ASTN2: variants seen among roughly 807,000 people sequenced by gnomAD.
The protein encoded by ASTN2 is astrotactin-2.
A neutral mutation model predicts 139.8 loss-of-function variants in ASTN2; 54 were observed. The ratio of observed to expected loss-of-function variants is 0.39; its 90% confidence interval spans 0.31 to 0.48. The LOEUF is 0.48. Ranked by LOEUF, ASTN2 falls within the 20% of genes least tolerant of loss-of-function variation. The pLI is 0.95. For missense variants in ASTN2, 1,565 were observed against 1,725.1 expected (o/e 0.91, Z 1.64); for synonymous variants, 756 against 719.5 (o/e 1.05, Z -0.81).
At chr9:116,453,237 G>A (rs1054086284) in intron 20 of ASTN2, among the ~76,000 whole-genome samples, 13 of 152,232 alleles carry the variant, frequency 8.5e-5, no homozygotes, top group African/African-American at 3.1e-4. Context: ...TAACATCTCT[G>A]AGAGTCTTAG....
chr9:116,581,639 T>C (rs7867672), intron 19 of ASTN2, among the ~76,000 whole-genome samples: 3,588 of 152,326 alleles, frequency 0.024, 134 homozygotes, highest in African/African-American at 0.082. Context: ...TGAGCTAATC[T>C]TGCCTCATCT....
chr9:117,332,501 G>C (rs757200995), intron 1 of ASTN2, among the ~76,000 whole-genome samples: 7 of 152,188 alleles, frequency 4.6e-5, no homozygotes, highest in Non-Finnish European at 8.8e-5. Context: ...GAGAGGCAGA[G>C]TTTGCAGTGA....
intron 17 of ASTN2, among the ~76,000 whole-genome samples, chr9:116,650,915 C>A (rs552307405): frequency 4.0e-5 from 6 of 149,544 alleles, no homozygotes; most frequent in Non-Finnish European, 8.9e-5. Flanking sequence ...AGTCCCTGCA[C>A]TACTTTTTTT....
chr9:116,841,248 G>A (rs138352724), intron 11 of ASTN2, among the ~76,000 whole-genome samples: 7,618 of 152,110 alleles, frequency 0.05, 547 homozygotes, highest in African/African-American at 0.16. Flanking sequence ...GTGGCGGCGT[G>A]CACCTGCAAT....
At chr9:117,381,002 C>G (rs947042950) in intron 1 of ASTN2, among the ~76,000 whole-genome samples, 4 of 152,076 alleles carry the variant, frequency 2.6e-5, no homozygotes, top group Non-Finnish European at 4.4e-5. Context: ...GGAAGCAATC[C>G]AAATGTCCAT....
chr9:117,228,083 A>G (rs544824656), intron 2 of ASTN2, among the ~76,000 whole-genome samples: 6 of 152,286 alleles, frequency 3.9e-5, no homozygotes, highest in Non-Finnish European at 7.4e-5. Flanking sequence ...TTTCAGCCTC[A>G]GTTTCCCCAG....
Position 116,425,610 on chromosome 9 carries a change from A to G in ASTN2, c.*241T>C. On this transcript the variant is annotated 3_prime_UTR_variant, in exon 23 of 23. Coordinates refer to ENST00000313400, the MANE Select transcript of ASTN2 (RefSeq NM_001365068.1). Reference sequence around the variant, plus strand: ...AAGGTTTAAAAAGGAGAGACTTTTGATAGAGTCAAATAATATCTTTGAAAA... The same window carrying G: ...AAGGTTTAAAAAGGAGAGACTTTTGGTAGAGTCAAATAATATCTTTGAAAA... The G allele has an allele frequency of 6.2e-7, 1 of 1,613,050 alleles. No homozygotes were observed. Among genetic ancestry groups the G allele is most frequent in the Non-Finnish European group, 8.5e-7 (1 of 1,179,762 alleles).
In ASTN2 at chr9:117,042,595, T is replaced by C. The variant is rs539924507; in HGVS notation, c.1277-2630A>G. Among the ~76,000 whole-genome samples, 19 of 152,198 alleles carry C rather than the reference T, an allele frequency of 1.2e-4. No homozygotes were observed. In the South Asian group the frequency reaches 3.9e-3, roughly 32 times the overall value. ...GAAAAATGAACATGATTATCTCTTA[T>C]TCGAGTGCTGCAAGAAGCTGTTTCA... On this transcript the variant is annotated intron_variant, in intron 5 of 22. Coordinates refer to ENST00000313400, the MANE Select transcript of ASTN2 (RefSeq NM_001365068.1).
At chr9:116,564,416 T>C (rs1853080243) in intron 19 of ASTN2, among the ~76,000 whole-genome samples, 1 of 152,090 alleles carries the variant, frequency 6.6e-6, no homozygotes, top group Non-Finnish European at 1.5e-5. Context: ...ACCCTAAACA[T>C]CTCATTCATT....
intron 2 of ASTN2, among the ~76,000 whole-genome samples, chr9:117,265,869 C>T (rs1833929230): frequency 6.6e-6 from 1 of 151,744 alleles, no homozygotes; most frequent in Non-Finnish European, 1.5e-5. Context: ...TATCGAATAC[C>T]CTTAGGCCAT....
At chr9:117,391,595 G>A (rs1026546760) in intron 1 of ASTN2, among the ~76,000 whole-genome samples, 2 of 152,144 alleles carry the variant, frequency 1.3e-5, no homozygotes, top group Admixed American at 6.5e-5. Context: ...GCTACAAGAT[G>A]AGATTTGGGT....
intron 7 of ASTN2, among the ~76,000 whole-genome samples, chr9:116,978,200 A>G (rs1199715807): frequency 6.6e-6 from 1 of 152,166 alleles, no homozygotes; most frequent in Non-Finnish European, 1.5e-5. Flanking sequence ...ATTTTCACCA[A>G]CTTATTTTTC....
intron 22 of ASTN2, among the ~76,000 whole-genome samples, chr9:116,433,986 G>C (rs1288090366): frequency 6.6e-6 from 1 of 152,130 alleles, no homozygotes; most frequent in Non-Finnish European, 1.5e-5. Context: ...GGAACTTCAA[G>C]AAAATAACTA....
chr9:116,787,710 G>T (rs1325749415), intron 13 of ASTN2, among the ~76,000 whole-genome samples: 1 of 152,062 alleles, frequency 6.6e-6, no homozygotes, highest in Non-Finnish European at 1.5e-5. Context: ...CAATAGCCTT[G>T]AATAAAGTCT....
intron 17 of ASTN2, among the ~76,000 whole-genome samples, chr9:116,627,857 T>G (rs182030042): frequency 2.6e-5 from 4 of 152,344 alleles, no homozygotes; most frequent in Non-Finnish European, 5.9e-5. Flanking sequence ...GTATTACTCC[T>G]CACAATACCC....
chr9:117,000,167 T>A (rs1338661052), intron 7 of ASTN2, among the ~76,000 whole-genome samples: 2 of 152,228 alleles, frequency 1.3e-5, no homozygotes, highest in South Asian at 2.1e-4. Flanking sequence ...CAGTGCATTT[T>A]AAATTTTATT....
rs145970893 is a variant in ASTN2 at position 116,983,803 on chromosome 9, A to G, written c.1592-7018T>C. ...TTGTACTCCTGCCTCTTGCCATTAG[A>G]AAAAACATCTACAGGCTGTGGCTGG... On this transcript the variant is annotated intron_variant, in intron 7 of 22. Coordinates refer to ENST00000313400, the MANE Select transcript of ASTN2 (RefSeq NM_001365068.1). Among the ~76,000 whole-genome samples, 114 of 152,296 alleles carry G rather than the reference A, an allele frequency of 7.5e-4. 1 individual carries two copies. The highest frequency in any genetic ancestry group is 2.6e-3 in the African/African-American group (109 of 41,570).
chr9:116,453,685 T>G (rs1848245536), intron 20 of ASTN2, among the ~76,000 whole-genome samples: 2 of 151,688 alleles, frequency 1.3e-5, no homozygotes, highest in African/African-American at 4.8e-5. Context: ...TTGCTTATCT[T>G]GCTTACTTAT....
At chr9:116,522,095 A>C (rs573182964) in intron 19 of ASTN2, among the ~76,000 whole-genome samples, 2 of 152,274 alleles carry the variant, frequency 1.3e-5, no homozygotes, top group South Asian at 4.1e-4. Flanking sequence ...CACTATCGAA[A>C]ACAATTTGGA....
Sources: gnomAD v4.1 joint callset for allele counts (sites outside exome capture counted in the v4.1 genomes callset) on GRCh38, gnomAD v4.1.1 for gene constraint, MANE v1.5 for transcripts, NCBI Gene and HGNC (gene_info 2026-07-23, HGNC 2026-07-21) for gene names.